The following HIVEP1 variants were observed in gnomAD, a reference collection of about 807,000 sequenced individuals.
HIVEP1 encodes the protein HIVEP zinc finger 1.
Under a neutral mutation model 180.0 loss-of-function variants are expected in HIVEP1, and 36 were observed. The ratio of observed to expected loss-of-function variants is 0.20; its 90% confidence interval spans 0.15 to 0.26. The LOEUF (loss-of-function observed/expected upper bound fraction) is 0.26, where lower values mean the gene tolerates loss of function less well. HIVEP1 is among the 10% of genes least tolerant of loss of function. The pLI, the probability that HIVEP1 is intolerant of heterozygous loss-of-function variation, is 1.00. For synonymous variants in HIVEP1, 1,239 were observed against 1,239.0 expected, an observed-to-expected ratio of 1.00 and a Z score of 0.00; for missense variants, 3,143 against 3,268.7, an observed-to-expected ratio of 0.96 and a Z score of 0.94.
At chr6:12,180,776 C>T in the HIVEP1 span, among the ~76,000 whole-genome samples, 1 of 152,148 alleles carries the variant, frequency 6.6e-6, no homozygotes, top group Non-Finnish European at 1.5e-5. Flanking sequence ...CAAATCCACA[C>T]GAGATTAATA....
chr6:12,175,510 C>CAGAT, the HIVEP1 span, among the ~76,000 whole-genome samples: 1 of 152,234 alleles, frequency 6.6e-6, no homozygotes, highest in Non-Finnish European at 1.5e-5. Context: ...TCCAATAGAA[C>CAGAT]AGATACTAAC....
chr6:12,074,985 A>G (rs948805210), intron 2 of HIVEP1, among the ~76,000 whole-genome samples: 4 of 152,192 alleles, frequency 2.6e-5, no homozygotes, highest in African/African-American at 9.7e-5. Context: ...ATATCGTTTA[A>G]ATTTCAAAAA....
intron 2 of HIVEP1, among the ~76,000 whole-genome samples, chr6:12,027,019 A>G (rs1463728908): frequency 1.3e-5 from 2 of 152,250 alleles, no homozygotes; most frequent in African/African-American, 2.4e-5. Context: ...AAAGTTTTAT[A>G]GAAACATAGC....
chr6:12,018,834 G>A (rs991896859), intron 2 of HIVEP1, among the ~76,000 whole-genome samples: 1 of 152,196 alleles, frequency 6.6e-6, no homozygotes, highest in African/African-American at 2.4e-5. Context: ...CTTCAGGAGG[G>A]ATGAGAAGGA....
At chr6:12,169,716 A>T (rs1457957419), downstream of HIVEP1, among the ~76,000 whole-genome samples, 1 of 152,356 alleles carries the variant, frequency 6.6e-6, no homozygotes, top group Middle Eastern at 3.4e-3. Flanking sequence ...TAGAATATAC[A>T]TGATGCTAAG....
the HIVEP1 span, among the ~76,000 whole-genome samples, chr6:12,173,052 G>A: frequency 6.6e-6 from 1 of 152,068 alleles, no homozygotes; most frequent in Non-Finnish European, 1.5e-5. Context: ...AACTTAAATA[G>A]CAGGAGATAA....
At chr6:12,137,553 T>G (rs1411565674) in intron 7 of HIVEP1, among the ~76,000 whole-genome samples, 1 of 152,208 alleles carries the variant, frequency 6.6e-6, no homozygotes, top group East Asian at 1.9e-4. Flanking sequence ...TAGTTTTACC[T>G]TTTTCCTTTC....
rs763681601 is a variant in HIVEP1, at chr6:12,123,582, C to T, written c.3787C>T (p.Pro1263Ser). 1 of 1,614,006 alleles carries T rather than the reference C, an allele frequency of 6.2e-7. No individual in the cohort carries two copies. Among genetic ancestry groups the T allele is most frequent in the Admixed American group, 1.7e-5 (1 of 60,026 alleles). Reference sequence around the variant, plus strand: ...AGAAAAGTCAGAGAAGTTCAGTTGGCCCCAGCGTAGTGAAACCTTGTCAAA... The same window carrying T: ...AGAAAAGTCAGAGAAGTTCAGTTGGTCCCAGCGTAGTGAAACCTTGTCAAA... ...DQEKSEKFSW[P>S]QRSETLSKLP... The change falls in exon 4 of 9, where the codon CCC (proline) becomes TCC (serine). Residue 1263 changes from proline to serine, a missense_variant. Transcript: ENST00000379388.
chr6:12,149,966 A>G (rs1759604912), intron 7 of HIVEP1, among the ~76,000 whole-genome samples: 1 of 152,192 alleles, frequency 6.6e-6, no homozygotes, highest in South Asian at 2.1e-4. Context: ...TCTAATTCTC[A>G]ATGGAATAAA....
At chr6:12,057,727 T>G (rs1561897306) in intron 2 of HIVEP1, among the ~76,000 whole-genome samples, 1 of 152,226 alleles carries the variant, frequency 6.6e-6, no homozygotes, top group African/African-American at 2.4e-5. Flanking sequence ...TTAAGAGGCT[T>G]CTTTCTTGAA....
chr6:12,125,465 C>T lies in HIVEP1; in HGVS notation c.5670C>T (p.Asp1890=), dbSNP rs555260645. 1.8e-4 allele frequency: 286 copies of T among 1,613,972 alleles called. 2 individuals carry two copies. Among genetic ancestry groups the T allele is most frequent in the South Asian group, 2.6e-4 (24 of 91,074 alleles). The stretch of plus-strand genomic sequence containing the variant: ...ATATTTCTCCTTTGAAATGTACAGA[C>T]AATAACCAAGAAAGGAAGTCTCCAG... ...NTHISPLKCT[D]NNQERKSPGV... is the part of the protein sequence containing the mutation. The change falls in exon 4 of 9, where the codon GAC becomes GAT. Residue 1890 remains aspartate, a synonymous_variant. Coordinates refer to ENST00000379388, the MANE Select transcript of HIVEP1 (RefSeq NM_002114.4).
chr6:12,116,795 C>T (rs897184929), intron 3 of HIVEP1, among the ~76,000 whole-genome samples: 1 of 152,146 alleles, frequency 6.6e-6, no homozygotes, highest in African/African-American at 2.4e-5. Context: ...GTAGAAGAGC[C>T]TTGAGAATGT....
chr6:12,174,645 A>C, the HIVEP1 span, among the ~76,000 whole-genome samples: 1 of 152,172 alleles, frequency 6.6e-6, no homozygotes. Flanking sequence ...AAAAAAGAAG[A>C]AGCATTTGGA....
At chr6:12,015,728 T>G in intron 2 of HIVEP1, 60 bp downstream of exon 2, 41 of 1,475,196 alleles carry the variant, frequency 2.8e-5, no homozygotes, top group Non-Finnish European at 3.9e-5. Flanking sequence ...AAAGTATCTC[T>G]TTGGTGACAG....
intron 3 of HIVEP1, among the ~76,000 whole-genome samples, chr6:12,090,095 A>G (rs1196168872): frequency 6.6e-6 from 1 of 152,164 alleles, no homozygotes; most frequent in Non-Finnish European, 1.5e-5. Context: ...TTTCCAAGTA[A>G]TATAAAAAAA....
intron 2 of HIVEP1, among the ~76,000 whole-genome samples, chr6:12,040,324 A>T (rs1257628719): frequency 2.0e-5 from 3 of 152,208 alleles, no homozygotes; most frequent in Non-Finnish European, 4.4e-5. Flanking sequence ...ATAATTTAAA[A>T]TTGTGTAATT....
At chr6:12,113,632 T>C (rs1013926564) in intron 3 of HIVEP1, among the ~76,000 whole-genome samples, 1 of 152,218 alleles carries the variant, frequency 6.6e-6, no homozygotes, top group Non-Finnish European at 1.5e-5. Context: ...CTGCTTTGTG[T>C]TCAAGGCCTA....
chr6:12,069,578 G>C (rs990443067), intron 2 of HIVEP1, among the ~76,000 whole-genome samples: 1 of 122,048 alleles, frequency 8.2e-6, no homozygotes, highest in Non-Finnish European at 1.7e-5. Flanking sequence ...GTTCTGGGGT[G>C]GGGGGAGGGG....
intron 2 of HIVEP1, among the ~76,000 whole-genome samples, chr6:12,064,965 A>G (rs1253070634): frequency 3.9e-5 from 6 of 152,230 alleles, no homozygotes; most frequent in East Asian, 3.8e-4. Flanking sequence ...GGCTGTACAC[A>G]TACTGTGGGG....
Sources: allele counts gnomAD v4.1 joint callset (sites outside exome capture counted in the v4.1 genomes callset), GRCh38; gene constraint gnomAD v4.1.1; transcripts MANE v1.5; gene names NCBI Gene and HGNC (gene_info 2026-07-23, HGNC 2026-07-21).